The following NRG1 variants were observed in gnomAD, a reference collection of about 807,000 sequenced individuals.
NRG1 encodes the protein neuregulin 1.
NRG1 carries 18 observed loss-of-function variants against 63.8 expected under a neutral mutation model. The ratio of observed to expected loss-of-function variants is 0.28; its 90% CI spans 0.19 to 0.42. The LOEUF is 0.42. Among genes scored for constraint, NRG1 ranks in the 10% least tolerant of loss-of-function variants. The pLI is 1.00. For missense variants in NRG1, 762 were observed against 814.7 expected (o/e 0.94, Z 0.79); for synonymous variants, 302 against 301.3 (o/e 1.00, Z -0.02).
At chr8:32,157,729 GAATA>G (rs1838304671) in intron 1 of NRG1, among the ~76,000 whole-genome samples, 1 of 150,462 alleles carries the variant, frequency 6.6e-6, no homozygotes, top group Non-Finnish European at 1.5e-5. Flanking sequence ...TATATAGAGA[GAATA>G]AATATGTATC....
chr8:31,892,503 G>T (rs1365703753), intron 1 of NRG1, among the ~76,000 whole-genome samples: 2 of 152,038 alleles, frequency 1.3e-5, no homozygotes, highest in Non-Finnish European at 2.9e-5. Flanking sequence ...TAGTTTACAG[G>T]GGAAGTGCTT....
chr8:32,452,220 C>T (rs1277604789), intron 1 of NRG1, among the ~76,000 whole-genome samples: 1 of 152,108 alleles, frequency 6.6e-6, no homozygotes, highest in African/African-American at 2.4e-5. Context: ...CTTAAATGAG[C>T]TCTAAATCTA....
At chr8:32,760,737 A>T in intron 11 of NRG1, 1 of 1,079,168 alleles carries the variant, frequency 9.3e-7, no homozygotes. Flanking sequence ...GTAACATTAG[A>T]GAGATGGCAT....
At chr8:31,985,622 G>A (rs552126445) in intron 1 of NRG1, among the ~76,000 whole-genome samples, 7 of 151,666 alleles carry the variant, frequency 4.6e-5, no homozygotes, top group Non-Finnish European at 1.0e-4. Context: ...AGACATTTGG[G>A]GAGTATTTCT....
intron 7 of NRG1, chr8:32,749,886 T>C: frequency 2.7e-6 from 1 of 368,782 alleles, no homozygotes; most frequent in Admixed American, 4.4e-5. Context: ...CTAGCTCTGC[T>C]GTTATATAAA....
intron 1 of NRG1, among the ~76,000 whole-genome samples, chr8:32,334,048 A>C (rs1802959230): frequency 6.6e-6 from 1 of 152,186 alleles, no homozygotes; most frequent in Non-Finnish European, 1.5e-5. Context: ...ACAATTAAAA[A>C]CTTGCATCCA....
chr8:31,956,586 T>C (rs919511904), intron 1 of NRG1, among the ~76,000 whole-genome samples: 4 of 152,042 alleles, frequency 2.6e-5, no homozygotes, highest in African/African-American at 7.2e-5. Context: ...ATCGTGCCAC[T>C]GCACTCCAGT....
intron 1 of NRG1, among the ~76,000 whole-genome samples, chr8:32,447,841 C>A (rs1475066835): frequency 6.9e-6 from 1 of 145,574 alleles, no homozygotes; most frequent in Non-Finnish European, 1.5e-5. Flanking sequence ...AAAGCCAAAC[C>A]CTGTGTCAAA....
At chr8:32,112,454 G>A (rs1585375620) in intron 1 of NRG1, among the ~76,000 whole-genome samples, 1 of 152,114 alleles carries the variant, frequency 6.6e-6, no homozygotes, top group Non-Finnish European at 1.5e-5. Flanking sequence ...GTTGATAAGA[G>A]AATTGACTGT....
intron 1 of NRG1, among the ~76,000 whole-genome samples, chr8:31,888,467 A>G (rs1490974157): frequency 2.0e-5 from 3 of 152,060 alleles, no homozygotes; most frequent in African/African-American, 7.2e-5. Flanking sequence ...CAAGCCAGCA[A>G]TATGTTTCTG....
At chr8:32,242,010 C>T (rs1848147766) in intron 1 of NRG1, among the ~76,000 whole-genome samples, 1 of 152,098 alleles carries the variant, frequency 6.6e-6, no homozygotes, top group African/African-American at 2.4e-5. Flanking sequence ...GACTTGTCCT[C>T]CTAGAGTGTT....
intron 1 of NRG1, among the ~76,000 whole-genome samples, chr8:31,704,993 A>G (rs1371920543): frequency 1.3e-5 from 2 of 152,104 alleles, no homozygotes; most frequent in African/African-American, 4.8e-5. Flanking sequence ...TACACACATT[A>G]CACAGAACTT....
intron 1 of NRG1, among the ~76,000 whole-genome samples, chr8:32,112,729 T>G (rs1832193248): frequency 6.6e-6 from 1 of 152,106 alleles, no homozygotes; most frequent in African/African-American, 2.4e-5. Flanking sequence ...AGAATATGAG[T>G]GCCTCCCTCT....
At chr8:32,178,053 G>T (rs1316155519) in intron 1 of NRG1, among the ~76,000 whole-genome samples, 1 of 152,056 alleles carries the variant, frequency 6.6e-6, no homozygotes, top group Non-Finnish European at 1.5e-5. Flanking sequence ...CAAGGCAAGG[G>T]GAGGGGGAAG....
chr8:32,747,074 A>G (rs1827583013), intron 7 of NRG1, among the ~76,000 whole-genome samples: 1 of 152,028 alleles, frequency 6.6e-6, no homozygotes, highest in Non-Finnish European at 1.5e-5. Flanking sequence ...CCTGATATGA[A>G]TGACTTCCCG....
At chr8:32,140,738 C>T (rs910169379) in intron 1 of NRG1, among the ~76,000 whole-genome samples, 1 of 152,180 alleles carries the variant, frequency 6.6e-6, no homozygotes, top group Non-Finnish European at 1.5e-5. Context: ...GCAGGGATTA[C>T]AGACATGAGC....
At chr8:32,457,037 C>G (rs59332083) in intron 1 of NRG1, among the ~76,000 whole-genome samples, 41,817 of 151,936 alleles carry the variant, frequency 0.28, 6,137 homozygotes, top group South Asian at 0.35. Flanking sequence ...GAGGTTGAGG[C>G]AGGAGAATCA....
At chr8:31,691,985 A>G (rs1010581888) in intron 1 of NRG1, among the ~76,000 whole-genome samples, 2 of 152,042 alleles carry the variant, frequency 1.3e-5, no homozygotes, top group African/African-American at 2.4e-5. Context: ...GGGGCACACT[A>G]CCACACTCAG....
chr8:32,052,441 A>G (rs1278625900), intron 1 of NRG1, among the ~76,000 whole-genome samples: 1 of 151,706 alleles, frequency 6.6e-6, no homozygotes, highest in Non-Finnish European at 1.5e-5. Context: ...ATGCCCCATT[A>G]ATTTTTTATT....
Sources: allele counts gnomAD v4.1 joint callset (sites outside exome capture counted in the v4.1 genomes callset), GRCh38; gene constraint gnomAD v4.1.1; transcripts MANE v1.5; gene names NCBI Gene and HGNC (gene_info 2026-07-23, HGNC 2026-07-21).